Variants in ATP8B1 observed in about 807,000 individuals in gnomAD.
ATP8B1 encodes phospholipid-transporting ATPase IC.
In ATP8B1, 80 loss-of-function variants were observed where a neutral mutation model predicts 149.9. The ratio of observed to expected loss-of-function variants is 0.53; its 90% CI spans 0.45 to 0.64. The LOEUF is 0.64. Among genes scored for constraint, ATP8B1 ranks in the 30% least tolerant of loss-of-function variants. The probability of loss-of-function intolerance (pLI) is 0.00; values close to 1 mark genes in which losing one functional copy is unlikely to be tolerated. For missense variants in ATP8B1, 1,247 were observed against 1,552.6 expected, an observed-to-expected ratio of 0.80 and a Z score of 3.31; for synonymous variants, 536 against 562.8, an observed-to-expected ratio of 0.95 and a Z score of 0.67.
chr18:57,714,153 C>T (rs74364468), intron 2 of ATP8B1, among the ~76,000 whole-genome samples: 1 of 152,310 alleles, frequency 6.6e-6, no homozygotes, highest in East Asian at 1.9e-4. Context: ...GGCAGCACTC[C>T]TCATAGGCCT....
intron 2 of ATP8B1, among the ~76,000 whole-genome samples, chr18:57,724,638 T>C: frequency 6.8e-6 from 1 of 147,988 alleles, no homozygotes; most frequent in Non-Finnish European, 1.5e-5. Flanking sequence ...TAGGAACACT[T>C]TTACACTGTT....
chr18:57,767,457 G>A (rs2080221577), intron 1 of ATP8B1, among the ~76,000 whole-genome samples: 1 of 152,176 alleles, frequency 6.6e-6, no homozygotes, highest in Non-Finnish European at 1.5e-5. Context: ...CTCATTTCAA[G>A]TGTTCAACAG....
chr18:57,664,501 GAAAA>G (rs532262308), intron 20 of ATP8B1, among the ~76,000 whole-genome samples: 378 of 99,478 alleles, frequency 3.8e-3, no homozygotes, highest in Non-Finnish European at 5.9e-3. Flanking sequence ...GTCTTTCTAA[GAAAA>G]AAAAAAAAAA....
chr18:57,798,802 C>A (rs557183720), intron 1 of ATP8B1, among the ~76,000 whole-genome samples: 9 of 152,216 alleles, frequency 5.9e-5, no homozygotes, highest in Admixed American at 2.0e-4. Flanking sequence ...CACTCTGGTC[C>A]TCTGAGCCAC....
chr18:57,752,207 A>AAATAATAAT (rs74183222), intron 1 of ATP8B1, among the ~76,000 whole-genome samples: 15,085 of 138,108 alleles, frequency 0.11, 1,073 homozygotes, highest in South Asian at 0.23. Flanking sequence ...ACCCTGTCTC[A>AAATAATAAT]AATAATAATA....
rs201188531 is a variant in ATP8B1, at chr18:57,650,358, T to G, written c.3531+9A>C. 3.1e-6 allele frequency: 5 copies of G among 1,612,350 alleles called. No individual in the cohort carries two copies. In the East Asian group the frequency reaches 1.1e-4, roughly 36 times the overall value. ...GGACAGAGTTGGGAAAGGACTATAT[T>G]CTTTATACCTTATCACTTTCTGATG... is the stretch of plus-strand genomic sequence containing the variant. On this transcript the variant is annotated intron_variant, in intron 27 of 27. Transcript: ENST00000648908.
chr18:57,753,053 A>G (rs2080037780), intron 1 of ATP8B1, among the ~76,000 whole-genome samples: 1 of 152,332 alleles, frequency 6.6e-6, no homozygotes, highest in Non-Finnish European at 1.5e-5. Flanking sequence ...TATTTAAGAC[A>G]TTCTATATTT....
chr18:57,800,583 G>A (rs1331410774), intron 1 of ATP8B1, among the ~76,000 whole-genome samples: 1 of 152,080 alleles, frequency 6.6e-6, no homozygotes, highest in Non-Finnish European at 1.5e-5. Flanking sequence ...TGCAATAATA[G>A]TATTTTTAGA....
At chr18:57,748,952 G>T (rs1406197738) in intron 1 of ATP8B1, among the ~76,000 whole-genome samples, 3 of 152,138 alleles carry the variant, frequency 2.0e-5, no homozygotes, top group Non-Finnish European at 2.9e-5. Flanking sequence ...CAAACATCTA[G>T]TCTGATTTGC....
intron 2 of ATP8B1, among the ~76,000 whole-genome samples, chr18:57,718,937 AAAAGCCTTTCC>A (rs1156403986): frequency 2.0e-5 from 3 of 152,214 alleles, no homozygotes; most frequent in African/African-American, 7.2e-5. Flanking sequence ...GGGAAAAACT[AAAAGCCTTTCC>A]TCTTAGATCT....
At chr18:57,719,322 TGA>T (rs2079614195) in intron 2 of ATP8B1, among the ~76,000 whole-genome samples, 1 of 152,122 alleles carries the variant, frequency 6.6e-6, no homozygotes, top group Non-Finnish European at 1.5e-5. Context: ...AGAAGACCGG[TGA>T]TTTCTCCATT....
chr18:57,751,690 C>T (rs2080021683), intron 1 of ATP8B1, among the ~76,000 whole-genome samples: 1 of 152,158 alleles, frequency 6.6e-6, no homozygotes, highest in South Asian at 2.1e-4. Flanking sequence ...GAGGCTCTAT[C>T]TGCTCTGACT....
chr18:57,714,515 C>T (rs560842486), intron 2 of ATP8B1, among the ~76,000 whole-genome samples: 4 of 144,102 alleles, frequency 2.8e-5, no homozygotes, highest in East Asian at 2.3e-4. Flanking sequence ...CATATTGGTG[C>T]TTGTATCTCC....
At chr18:57,652,198 A>T in intron 25 of ATP8B1, 26 bp from the exon 26 acceptor site, 1 of 1,613,770 alleles carries the variant, frequency 6.2e-7, no homozygotes. Context: ...AGAAAAACAG[A>T]GCACTCATTT....
At chr18:57,697,308 T>C (rs767810194) in intron 8 of ATP8B1, among the ~76,000 whole-genome samples, 15 of 152,132 alleles carry the variant, frequency 9.9e-5, no homozygotes, top group Non-Finnish European at 2.2e-4. Context: ...TTTAAAAATC[T>C]GTTCCTTTCT....
At chr18:57,726,803 G>C (rs2123106446) in intron 2 of ATP8B1, among the ~76,000 whole-genome samples, 1 of 152,314 alleles carries the variant, frequency 6.6e-6, no homozygotes. Context: ...GAATAGGCCG[G>C]GCACAGTGGT....
intron 17 of ATP8B1, 88 bp from the exon 18 acceptor site, chr18:57,669,570 T>A: frequency 1.7e-6 from 2 of 1,199,468 alleles, no homozygotes; most frequent in Non-Finnish European, 2.4e-6. Context: ...TACTTTGAAG[T>A]AATATACTAA....
In ATP8B1 at chr18:57,684,057, CTG is replaced by C. The variant is rs1323188207; in HGVS notation, c.1607_1608del (p.Thr536SerfsTer5). The part of the protein sequence containing the change: ...QFFFLLAVCH[T>X]VMVDRTDGQL... ...TCACCATCAGTCCTATCCACCATGA[CTG>C]TGTGGCAAACTGCGAGCAAGAAGAA... On this transcript the variant is annotated frameshift_variant, in exon 15 of 28. Transcript: ENST00000648908. LOFTEE classifies it high-confidence loss of function. 3 of 1,614,120 alleles carry C rather than the reference CTG, an allele frequency of 1.9e-6. No homozygotes were observed. In the Admixed American group the frequency reaches 5.0e-5, roughly 27 times the overall value.
chr18:57,662,041 TG>T (rs1297052577), intron 21 of ATP8B1, among the ~76,000 whole-genome samples: 1 of 152,160 alleles, frequency 6.6e-6, no homozygotes, highest in Non-Finnish European at 1.5e-5. Context: ...TCAATGGAGA[TG>T]GGGTCTTGCT....
Sources: allele counts gnomAD v4.1 joint callset (sites outside exome capture counted in the v4.1 genomes callset), GRCh38; gene constraint gnomAD v4.1.1; transcripts MANE v1.5; gene names NCBI Gene and HGNC (gene_info 2026-07-23, HGNC 2026-07-21).